PAPPA: variants seen among roughly 807,000 people sequenced by gnomAD.
PAPPA encodes the protein pappalysin-1.
Under a neutral mutation model 164.0 loss-of-function variants are expected in PAPPA, and 60 were observed. That is an observed-to-expected ratio of 0.37 (90% confidence interval 0.30 to 0.45). The LOEUF is 0.45. Ranked by LOEUF, PAPPA falls within the 20% of genes least tolerant of loss-of-function variation. The probability of loss-of-function intolerance (pLI) is 1.00; values close to 1 mark genes in which losing one functional copy is unlikely to be tolerated. For synonymous variants in PAPPA, 875 were observed against 814.1 expected, an observed-to-expected ratio of 1.07 and a Z score of -1.27; for missense variants, 1,782 against 2,087.3, an observed-to-expected ratio of 0.85 and a Z score of 2.85.
chr9:116,392,493 T>C (rs1846906805), intron 21 of PAPPA, among the ~76,000 whole-genome samples: 1 of 151,984 alleles, frequency 6.6e-6, no homozygotes, highest in African/African-American at 2.4e-5. Flanking sequence ...TCATCTGGCA[T>C]GTGGAAGGCC....
chr9:116,328,565 T>C (rs557181785), intron 10 of PAPPA, among the ~76,000 whole-genome samples: 364 of 152,324 alleles, frequency 2.4e-3, no homozygotes, highest in Non-Finnish European at 4.0e-3. Context: ...TATCAATTCC[T>C]AGGGCCAGGG....
chr9:116,237,720 CT>C (rs545555923), intron 7 of PAPPA, among the ~76,000 whole-genome samples: 217 of 144,924 alleles, frequency 1.5e-3, no homozygotes, highest in Non-Finnish European at 1.5e-3. Flanking sequence ...TTCTCTCTCT[CT>C]TTTTTTTTTT....
intron 21 of PAPPA, among the ~76,000 whole-genome samples, chr9:116,392,952 G>A (rs75065142): frequency 0.032 from 4,846 of 152,278 alleles, 100 homozygotes; most frequent in East Asian, 0.071. Flanking sequence ...TAGGCCTCCT[G>A]AGACCAACCC....
intron 17 of PAPPA, among the ~76,000 whole-genome samples, chr9:116,357,119 C>G (rs770394742): frequency 2.6e-5 from 4 of 152,204 alleles, no homozygotes; most frequent in African/African-American, 4.8e-5. Context: ...CCAGCACTTT[C>G]CAGTAGAACT....
intron 2 of PAPPA, among the ~76,000 whole-genome samples, chr9:116,203,134 G>A (rs1844190855): frequency 6.6e-6 from 1 of 152,186 alleles, no homozygotes; most frequent in African/African-American, 2.4e-5. Context: ...TCTAAACTTT[G>A]CAGGGAACTG....
At chr9:116,202,051 C>A (rs548865488) in intron 2 of PAPPA, among the ~76,000 whole-genome samples, 2 of 152,266 alleles carry the variant, frequency 1.3e-5, no homozygotes, top group South Asian at 2.1e-4. Flanking sequence ...GAAGAGTGAC[C>A]TGCTTTGAGT....
At chr9:116,352,591 T>C in intron 15 of PAPPA, 115 bp from the exon 16 acceptor site, 1 of 798,338 alleles carries the variant, frequency 1.3e-6, no homozygotes, top group East Asian at 2.6e-5. Flanking sequence ...GGGGTTGGAA[T>C]TCCACATAAG....
chr9:116,290,260 C>T (rs150911340), intron 9 of PAPPA, among the ~76,000 whole-genome samples: 76 of 152,120 alleles, frequency 5.0e-4, no homozygotes, highest in South Asian at 1.7e-3. Flanking sequence ...ACCTTCTGGC[C>T]CCTTATTCCA....
At chr9:116,224,549 G>A (rs1044804469) in intron 5 of PAPPA, among the ~76,000 whole-genome samples, 1 of 152,268 alleles carries the variant, frequency 6.6e-6, no homozygotes, top group African/African-American at 2.4e-5. Context: ...TACTATTTTA[G>A]TTTCATAGGA....
At chr9:116,337,269 C>T (rs1846072833) in intron 13 of PAPPA, among the ~76,000 whole-genome samples, 2 of 152,180 alleles carry the variant, frequency 1.3e-5, no homozygotes, top group African/African-American at 4.8e-5. Flanking sequence ...CAGGCTGAAT[C>T]TTGAGGGCTG....
chr9:116,217,740 C>A (rs1176877404), intron 4 of PAPPA, among the ~76,000 whole-genome samples: 1 of 152,240 alleles, frequency 6.6e-6, no homozygotes, highest in Admixed American at 6.5e-5. Context: ...GCCCCACACC[C>A]CTGCACCTTG....
chr9:116,298,306 C>T (rs1477810480), intron 9 of PAPPA, among the ~76,000 whole-genome samples: 1 of 152,222 alleles, frequency 6.6e-6, no homozygotes, highest in Non-Finnish European at 1.5e-5. Context: ...GCTCTTGAAG[C>T]TGAACTCATT....
intron 5 of PAPPA, among the ~76,000 whole-genome samples, chr9:116,225,618 A>G (rs1272361204): frequency 6.6e-6 from 1 of 152,200 alleles, no homozygotes; most frequent in Non-Finnish European, 1.5e-5. Flanking sequence ...TTGGCATTCC[A>G]TTAAGCATAT....
At position 116,399,672 on chromosome 9, in the gene PAPPA, C is replaced by T. The variant is rs1847020231; in HGVS notation, c.*3056C>T. ...AAGCTTTTCCAAGCCACAATCTTAACTACCTACCCAAAGGATTTGCATTAC... is the reference window on the plus strand; with the variant it reads ...AAGCTTTTCCAAGCCACAATCTTAATTACCTACCCAAAGGATTTGCATTAC... On this transcript the variant is annotated 3_prime_UTR_variant, in exon 22 of 22. Transcript: ENST00000328252. The T allele has an allele frequency of 6.6e-6, 1 of 152,616 alleles. No homozygotes were observed. Among genetic ancestry groups the T allele is most frequent in the Non-Finnish European group, 1.5e-5 (1 of 68,034 alleles). The allele number at this position is 152,616 out of a possible 1,614,324, so 9.5% of individuals were successfully genotyped here. A position where few individuals can be genotyped will look rare whatever the true frequency, so the allele number is the denominator to read the frequency against.
intron 4 of PAPPA, 115 bp from the exon 5 acceptor site, chr9:116,219,822 T>A: frequency 1.3e-6 from 1 of 764,228 alleles, no homozygotes; most frequent in East Asian, 2.5e-5. Context: ...CAGCCCTGAG[T>A]TGGCAAGGAA....
intron 7 of PAPPA, among the ~76,000 whole-genome samples, chr9:116,255,525 C>T (rs1179656125): frequency 1.3e-5 from 2 of 151,902 alleles, no homozygotes; most frequent in African/African-American, 4.8e-5. Flanking sequence ...AAGGATATTT[C>T]CAGGGGCAAG....
At chr9:116,204,947 T>A (rs977610734) in intron 2 of PAPPA, among the ~76,000 whole-genome samples, 1 of 152,034 alleles carries the variant, frequency 6.6e-6, no homozygotes, top group Non-Finnish European at 1.5e-5. Flanking sequence ...AATACCCACA[T>A]GGACTCCTGT....
Position 116,188,199 on chromosome 9 carries a change from C to A in PAPPA, c.1461C>A (p.Asp487Glu). 6.2e-7 allele frequency: 1 copy of A among 1,610,190 alleles called. No homozygotes were observed. Among genetic ancestry groups the A allele is most frequent in the South Asian group, 1.1e-5 (1 of 90,980 alleles). ...EITNVTQTCF[D>E]PDSPHRAYLD... Reference sequence around the variant, plus strand: ...CCAATGTCACTCAGACTTGCTTTGACCCCGACTCTCCACACAGGTAAGACC... The same window carrying A: ...CCAATGTCACTCAGACTTGCTTTGAACCCGACTCTCCACACAGGTAAGACC... Residue 487 changes from aspartate to glutamate, a missense_variant, in exon 2 of 22, where the codon GAC (aspartate) becomes GAA (glutamate). Asp to Glu is a conservative substitution (Grantham distance 45). Transcript: ENST00000328252.
At chr9:116,338,035 G>A (rs1404012205) in intron 13 of PAPPA, among the ~76,000 whole-genome samples, 1 of 152,170 alleles carries the variant, frequency 6.6e-6, no homozygotes, top group African/African-American at 2.4e-5. Flanking sequence ...CTTCTTTAAT[G>A]AGAAAAACTA....
Sources: gnomAD v4.1 joint callset for allele counts (sites outside exome capture counted in the v4.1 genomes callset) on GRCh38, gnomAD v4.1.1 for gene constraint, MANE v1.5 for transcripts, NCBI Gene and HGNC (gene_info 2026-07-23, HGNC 2026-07-21) for gene names.